The following CCDC171 variants were observed in gnomAD, a reference collection of about 807,000 sequenced individuals.
CCDC171 encodes the protein coiled-coil domain containing 171.
A neutral mutation model predicts 168.2 loss-of-function variants in CCDC171; 177 were observed. The observed-to-expected ratio is 1.05, with a 90% confidence interval of 0.93 to 1.19. The LOEUF (loss-of-function observed/expected upper bound fraction) is 1.19. CCDC171 is among the 50% of genes most tolerant of loss of function. The pLI is 0.00. For missense variants in CCDC171, 1,991 were observed against 1,539.0 expected (o/e 1.29, Z -4.91); for synonymous variants, 687 against 540.8 (o/e 1.27, Z -3.75).
At chr9:16,034,382 A>G (rs888224827) in intron 6 of CCDC171, among the ~76,000 whole-genome samples, 2 of 152,236 alleles carry the variant, frequency 1.3e-5, no homozygotes, top group African/African-American at 4.8e-5. Flanking sequence ...TTCTTGTACT[A>G]GAATAATAGT....
intron 21 of CCDC171, among the ~76,000 whole-genome samples, chr9:15,834,674 G>A (rs1188278066): frequency 3.3e-5 from 5 of 152,126 alleles, no homozygotes; most frequent in Non-Finnish European, 5.9e-5. Flanking sequence ...TATTAACCTT[G>A]ATAAAATTAG....
At chr9:16,040,603 A>G (rs1407894114), upstream of CCDC171, among the ~76,000 whole-genome samples, 1 of 152,224 alleles carries the variant, frequency 6.6e-6, no homozygotes, top group Admixed American at 6.5e-5. Flanking sequence ...TTGCAGTTGT[A>G]AAGTGCAGGA....
chr9:15,769,389 A>G (rs992202635), intron 18 of CCDC171, among the ~76,000 whole-genome samples: 6 of 152,182 alleles, frequency 3.9e-5, no homozygotes, highest in Admixed American at 1.3e-4. Context: ...CCTCTTCTCA[A>G]AAGGGTCCAT....
chr9:15,628,424 T>G lies in CCDC171; in HGVS notation c.822+5011T>G, dbSNP rs568782058. Among the ~76,000 whole-genome samples, 4 of 152,284 alleles carry G rather than the reference T, an allele frequency of 2.6e-5. No individual in the cohort carries two copies. The East Asian group carries it at 5.8e-4, about 22-fold the overall frequency. On this transcript the variant is annotated intron_variant, in intron 7 of 25. Transcript: ENST00000380701. The stretch of plus-strand genomic sequence containing the variant: ...CCTGTGCCCATGGAGTCTCGCTTAT[T>G]GCTAGCACAGCAGTCTGAGATCAAA...
chr9:16,064,209 A>G (rs1282989876), downstream of CCDC171, among the ~76,000 whole-genome samples: 1 of 152,134 alleles, frequency 6.6e-6, no homozygotes, highest in Non-Finnish European at 1.5e-5. Context: ...TTTTGTGTGT[A>G]TTTCACTTGA....
chr9:15,929,383 C>G (rs902076832), intron 25 of CCDC171, among the ~76,000 whole-genome samples: 8 of 151,688 alleles, frequency 5.3e-5, no homozygotes, highest in East Asian at 1.9e-4. Context: ...AACATCTGCA[C>G]TTTGATTTTC....
At chr9:15,648,179 C>G (rs1053356044) in intron 7 of CCDC171, among the ~76,000 whole-genome samples, 3 of 152,124 alleles carry the variant, frequency 2.0e-5, no homozygotes, top group African/African-American at 7.2e-5. Flanking sequence ...CAGAAAAGGC[C>G]TTTGGCAAAA....
chr9:15,890,109 C>A (rs2131472928), intron 24 of CCDC171, among the ~76,000 whole-genome samples: 1 of 152,142 alleles, frequency 6.6e-6, no homozygotes, highest in East Asian at 1.9e-4. Context: ...ACGTACTGAG[C>A]ACCTACCAAA....
At chr9:15,680,522 T>C (rs141384725) in intron 10 of CCDC171, among the ~76,000 whole-genome samples, 14 of 152,302 alleles carry the variant, frequency 9.2e-5, no homozygotes, top group African/African-American at 3.1e-4. Context: ...TTAAAACTCT[T>C]CAGTGTTTTT....
At chr9:15,769,506 A>T (rs7847946) in intron 18 of CCDC171, among the ~76,000 whole-genome samples, 6,907 of 152,326 alleles carry the variant, frequency 0.045, 343 homozygotes, top group South Asian at 0.13. Context: ...TTCAATTATG[A>T]ATGGTAACGA....
chr9:15,994,369 A>T (rs1316439172), intron 3 of CCDC171, among the ~76,000 whole-genome samples: 1 of 152,198 alleles, frequency 6.6e-6, no homozygotes, highest in African/African-American at 2.4e-5. Flanking sequence ...TCTCACTCAT[A>T]GGTGGGAATT....
chr9:15,731,376 C>T (rs1047574852), intron 16 of CCDC171, among the ~76,000 whole-genome samples: 2 of 152,114 alleles, frequency 1.3e-5, no homozygotes, highest in African/African-American at 2.4e-5. Flanking sequence ...TTTTACGCCT[C>T]ATAGGCAACC....
intron 25 of CCDC171, among the ~76,000 whole-genome samples, chr9:15,946,274 G>T (rs894842683): frequency 6.6e-6 from 1 of 151,766 alleles, no homozygotes; most frequent in Non-Finnish European, 1.5e-5. Context: ...TGCTGTTTTG[G>T]TTACTGTAGC....
At chr9:15,748,810 G>A (rs999121016) in intron 18 of CCDC171, among the ~76,000 whole-genome samples, 5 of 152,138 alleles carry the variant, frequency 3.3e-5, no homozygotes, top group African/African-American at 1.2e-4. Flanking sequence ...CCTTACAAGA[G>A]CTCCTGAAGG....
chr9:15,878,168 G>T (rs967383725), intron 24 of CCDC171, among the ~76,000 whole-genome samples: 1 of 152,056 alleles, frequency 6.6e-6, no homozygotes, highest in Non-Finnish European at 1.5e-5. Flanking sequence ...TACAGCAAAA[G>T]AAACTATCAA....
chr9:16,007,998 A>G (rs1832756664), intron 3 of CCDC171, among the ~76,000 whole-genome samples: 1 of 152,120 alleles, frequency 6.6e-6, no homozygotes, highest in Non-Finnish European at 1.5e-5. Flanking sequence ...TATATATATG[A>G]TTTGCAAATA....
downstream of CCDC171, among the ~76,000 whole-genome samples, chr9:15,977,979 C>G (rs1450825325): frequency 6.6e-6 from 1 of 151,806 alleles, no homozygotes; most frequent in African/African-American, 2.4e-5. Flanking sequence ...TCATTTTTGC[C>G]TTTTTCTTCA....
At chr9:16,048,516 T>G (rs1833697075) in intron 1 of CCDC171, among the ~76,000 whole-genome samples, 1 of 152,206 alleles carries the variant, frequency 6.6e-6, no homozygotes, top group Admixed American at 6.5e-5. Context: ...TCAGTTTCTT[T>G]CAGGGTCCTC....
At chr9:15,610,110 C>T (rs1336424851) in intron 6 of CCDC171, among the ~76,000 whole-genome samples, 1 of 151,908 alleles carries the variant, frequency 6.6e-6, no homozygotes, top group African/African-American at 2.4e-5. Context: ...TTAGTATATT[C>T]TCCTTGTTTC....
Sources: gnomAD v4.1 joint callset for allele counts (sites outside exome capture counted in the v4.1 genomes callset) on GRCh38, gnomAD v4.1.1 for gene constraint, MANE v1.5 for transcripts, NCBI Gene and HGNC (gene_info 2026-07-23, HGNC 2026-07-21) for gene names.